The following PPAT variants were observed in gnomAD, a reference collection of about 807,000 sequenced individuals.
The protein encoded by PPAT is phosphoribosyl pyrophosphate amidotransferase, also known as amidophosphoribosyltransferase.
Under a neutral mutation model 60.2 loss-of-function variants are expected in PPAT, and 20 were observed. That is an observed-to-expected ratio of 0.33 (90% CI 0.23 to 0.48). PPAT has a LOEUF of 0.48. Ranked by LOEUF, PPAT falls within the 20% of genes least tolerant of loss-of-function variation. PPAT has a pLI of 0.99. For missense variants in PPAT, 349 were observed against 629.6 expected, an observed-to-expected ratio of 0.55 and a Z score of 4.77; for synonymous variants, 194 against 215.1, an observed-to-expected ratio of 0.90 and a Z score of 0.86.
At chr4:56,413,152 T>C (rs904379208) in intron 1 of PPAT, among the ~76,000 whole-genome samples, 1 of 141,478 alleles carries the variant, frequency 7.1e-6, no homozygotes, top group Non-Finnish European at 1.6e-5. Context: ...TTGTTTTTGG[T>C]TTTTGGTTTT....
At chr4:56,420,982 T>G (rs1000735527) in intron 1 of PPAT, 3 of 152,218 alleles carry the variant, frequency 2.0e-5, no homozygotes, top group African/African-American at 7.2e-5. Flanking sequence ...ACCTGGACCC[T>G]TACTGGTCCG....
At chr4:56,402,808 A>T (rs1578115188) in intron 5 of PPAT, among the ~76,000 whole-genome samples, 1 of 133,166 alleles carries the variant, frequency 7.5e-6, no homozygotes, top group Admixed American at 8.1e-5. Flanking sequence ...AACAAGAGTG[A>T]AACTCGGTCT....
chr4:56,432,591 C>T (rs1368105127), intron 1 of PPAT, among the ~76,000 whole-genome samples: 9 of 150,760 alleles, frequency 6.0e-5, no homozygotes, highest in Non-Finnish European at 8.8e-5. Flanking sequence ...CGAGACCATC[C>T]TGGCTAACAC....
chr4:56,426,293 T>A (rs1717283090), intron 1 of PPAT, among the ~76,000 whole-genome samples: 1 of 151,846 alleles, frequency 6.6e-6, no homozygotes, highest in Non-Finnish European at 1.5e-5. Context: ...TCTCAGCTAC[T>A]CGGGAGGCTG....
At chr4:56,401,217 T>TATA (rs1312897020) in intron 7 of PPAT, 113 bp downstream of exon 7, 6 of 1,018,078 alleles carry the variant, frequency 5.9e-6, no homozygotes, top group Non-Finnish European at 8.5e-6. Context: ...ATCCACAACA[T>TATA]ATAACTATAT....
At chr4:56,415,415 C>T (rs1416608927) in intron 1 of PPAT, among the ~76,000 whole-genome samples, 2 of 152,202 alleles carry the variant, frequency 1.3e-5, no homozygotes, top group African/African-American at 4.8e-5. Context: ...TCATCCTCCT[C>T]ATTTGATCAC....
chr4:56,396,526 A>C lies in PPAT; in HGVS notation c.1357+93T>G. ...ACATATATAACTACTTTTAACAAACACTGAATACTCCTTTTTACTAAAGGT... is the reference window on the plus strand; with the variant it reads ...ACATATATAACTACTTTTAACAAACCCTGAATACTCCTTTTTACTAAAGGT... On this transcript the variant is annotated intron_variant, in intron 10 of 10. Transcript: ENST00000264220. The surrounding 1 kb of genome is among the most constrained non-coding windows in gnomAD (Gnocchi z 4.6). 1 of 1,278,280 alleles carries C rather than the reference A, an allele frequency of 7.8e-7. No individual in the cohort carries two copies. Among genetic ancestry groups the C allele is most frequent in the Non-Finnish European group, 1.1e-6 (1 of 922,050 alleles). 79.2% of individuals were successfully genotyped at this position (1,278,280 alleles called of 1,614,324 possible).
chr4:56,430,549 T>C (rs1348513529), intron 1 of PPAT, among the ~76,000 whole-genome samples: 1 of 152,160 alleles, frequency 6.6e-6, no homozygotes, highest in Non-Finnish European at 1.5e-5. Flanking sequence ...GCTCAACAAA[T>C]ACATTTTGAA....
chr4:56,393,481 T>A lies in PPAT; in HGVS notation c.*1871A>T, dbSNP rs1715879440. ...AAACACATTTTTCATCTCTGCAGTTTATAATACTCTACGTATATGAATTTA... is the reference window on the plus strand; with the variant it reads ...AAACACATTTTTCATCTCTGCAGTTAATAATACTCTACGTATATGAATTTA... On this transcript the variant is annotated 3_prime_UTR_variant, in exon 11 of 11. Coordinates refer to ENST00000264220, the MANE Select transcript of PPAT (RefSeq NM_002703.5). 1 of 152,198 alleles carries A rather than the reference T, an allele frequency of 6.6e-6. No individual in the cohort carries two copies. 9.4% of individuals were successfully genotyped at this position (152,198 alleles called of 1,614,324 possible).
Position 56,406,490 on chromosome 4 carries a change from CG to C in PPAT, c.402+4del. 1.9e-6 allele frequency: 3 copies of C among 1,608,176 alleles called. No homozygotes were observed. The highest frequency in any genetic ancestry group is 2.6e-6 in the Non-Finnish European group (3 of 1,176,414). On this transcript the variant is annotated splice_donor_region_variant and intron_variant, in intron 3 of 10. Coordinates refer to ENST00000264220, the MANE Select transcript of PPAT (RefSeq NM_002703.5). Reference sequence around the variant, plus strand: ...GGCCTAGGGAAAACAAACAAACAAACGTACCTTTTTCCTTAATCGAGCAGCA... The same window carrying C: ...GGCCTAGGGAAAACAAACAAACAAACTACCTTTTTCCTTAATCGAGCAGCA...
intron 1 of PPAT, 129 bp downstream of exon 1, chr4:56,435,221 G>T: frequency 1.5e-6 from 2 of 1,360,952 alleles, no homozygotes; most frequent in Non-Finnish European, 1.0e-6. Context: ...GACGCCACAG[G>T]CAGGTACTGG....
chr4:56,399,494 A>C, intron 8 of PPAT, 94 bp from the exon 9 acceptor site: 1 of 963,954 alleles, frequency 1.0e-6, no homozygotes, highest in Non-Finnish European at 1.5e-6. Context: ...TATTCAAGTA[A>C]AATTTCAAAA....
At chr4:56,410,398 G>C (rs1415163316) in intron 1 of PPAT, 1 of 349,298 alleles carries the variant, frequency 2.9e-6, no homozygotes, top group African/African-American at 2.2e-5. Context: ...CAGGCAGCTT[G>C]AACCAGTTAA....
intron 1 of PPAT, 137 bp downstream of exon 1, chr4:56,435,213 C>A: frequency 7.7e-7 from 1 of 1,301,842 alleles, no homozygotes; most frequent in Non-Finnish European, 1.1e-6. Context: ...ACCCGGTCGA[C>A]GCCACAGGCA....
At chr4:56,416,378 A>C in intron 1 of PPAT, 3 of 897,768 alleles carry the variant, frequency 3.3e-6, no homozygotes, top group Non-Finnish European at 4.0e-6. Context: ...ATCAGTAGAT[A>C]AGGAAGATGT....
At chr4:56,423,458 A>G (rs1717141275) in intron 1 of PPAT, 1 of 152,150 alleles carries the variant, frequency 6.6e-6, no homozygotes, top group African/African-American at 2.4e-5. Flanking sequence ...ACCCATCTCT[A>G]AAAATAAAAA....
chr4:56,428,443 G>C (rs1717409806), intron 1 of PPAT, among the ~76,000 whole-genome samples: 1 of 152,132 alleles, frequency 6.6e-6, no homozygotes, highest in Non-Finnish European at 1.5e-5. Flanking sequence ...TGCAGTTTGG[G>C]ATAGACAGAG....
At chr4:56,402,571 C>T (rs1716139079) in intron 5 of PPAT, among the ~76,000 whole-genome samples, 1 of 151,980 alleles carries the variant, frequency 6.6e-6, no homozygotes, top group African/African-American at 2.4e-5. Flanking sequence ...AATCCCAGCA[C>T]TTTGGGAGGC....
intron 3 of PPAT, 78 bp downstream of exon 3, chr4:56,406,417 C>G (rs1394842906): frequency 1.5e-5 from 22 of 1,463,660 alleles, no homozygotes; most frequent in Non-Finnish European, 6.6e-6. Flanking sequence ...ATGCCCTTTA[C>G]AAAGATCCTT....
Sources: gnomAD v4.1 joint callset for allele counts (sites outside exome capture counted in the v4.1 genomes callset) on GRCh38, gnomAD v4.1.1 for gene constraint, Gnocchi (gnomAD v3.1) non-coding constraint, MANE v1.5 for transcripts, NCBI Gene and HGNC (gene_info 2026-07-23, HGNC 2026-07-21) for gene names.